The following DLGAP1 variants were observed in gnomAD, a reference collection of about 807,000 sequenced individuals.
DLGAP1 encodes the protein DLG associated protein 1.
In DLGAP1, 11 loss-of-function variants were observed where a neutral mutation model predicts 90.8. That is an observed-to-expected ratio of 0.12 (90% CI 0.08 to 0.20). The LOEUF (loss-of-function observed/expected upper bound fraction) is 0.20, where lower values mean the gene tolerates loss of function less well. Ranked by LOEUF, DLGAP1 falls within the 10% of genes least tolerant of loss-of-function variation. The pLI is 1.00. For missense variants in DLGAP1, 1,050 were observed against 1,333.8 expected, an observed-to-expected ratio of 0.79 and a Z score of 3.31; for synonymous variants, 558 against 540.7, an observed-to-expected ratio of 1.03 and a Z score of -0.44.
chr18:3,949,611 A>G (rs1408009911), intron 3 of DLGAP1, among the ~76,000 whole-genome samples: 1 of 152,146 alleles, frequency 6.6e-6, no homozygotes. Context: ...AGGAAATTTC[A>G]CCAGCAGAGC....
intron 1 of DLGAP1, among the ~76,000 whole-genome samples, chr18:4,351,329 G>A (rs1022377986): frequency 1.1e-4 from 16 of 152,034 alleles, no homozygotes; most frequent in African/African-American, 3.4e-4. Flanking sequence ...AAAATTAAGC[G>A]CAACATATTT....
intron 5 of DLGAP1, among the ~76,000 whole-genome samples, chr18:3,763,759 G>C (rs1476084213): frequency 6.6e-6 from 1 of 151,664 alleles, no homozygotes; most frequent in Non-Finnish European, 1.5e-5. Context: ...CATCTCCCAG[G>C]TACAAGCGAT....
intron 7 of DLGAP1, among the ~76,000 whole-genome samples, chr18:3,585,588 T>A (rs948247291): frequency 3.3e-5 from 5 of 152,242 alleles, no homozygotes; most frequent in African/African-American, 9.6e-5. Flanking sequence ...TCTGATCTTT[T>A]GGATTATGTA....
At chr18:3,959,270 T>C (rs887142074) in intron 3 of DLGAP1, among the ~76,000 whole-genome samples, 1 of 152,134 alleles carries the variant, frequency 6.6e-6, no homozygotes, top group African/African-American at 2.4e-5. Context: ...TGACCTTGTC[T>C]TTAGGTCCTT....
intron 1 of DLGAP1, among the ~76,000 whole-genome samples, chr18:4,410,565 A>G (rs2082755629): frequency 6.6e-6 from 1 of 152,136 alleles, no homozygotes; most frequent in Non-Finnish European, 1.5e-5. Context: ...ACTCTCATAC[A>G]TTGCTGATGG....
intron 3 of DLGAP1, among the ~76,000 whole-genome samples, chr18:3,980,701 T>C (rs2073708760): frequency 6.6e-6 from 1 of 152,206 alleles, no homozygotes; most frequent in Non-Finnish European, 1.5e-5. Flanking sequence ...TGCTTATTAC[T>C]GACCATTTTT....
chr18:4,131,197 C>CGTGT (rs151048659), intron 2 of DLGAP1, among the ~76,000 whole-genome samples: 43 of 150,744 alleles, frequency 2.9e-4, no homozygotes, highest in African/African-American at 9.7e-4. Flanking sequence ...AAAACGTGGG[C>CGTGT]GTGTGTGTGT....
intron 3 of DLGAP1, among the ~76,000 whole-genome samples, chr18:3,922,003 A>AG (rs1249441929): frequency 6.6e-6 from 1 of 152,086 alleles, no homozygotes. Flanking sequence ...CTCAGACCTG[A>AG]GGGGATGCCA....
At chr18:3,735,811 T>C (rs2062615383) in intron 6 of DLGAP1, among the ~76,000 whole-genome samples, 1 of 152,196 alleles carries the variant, frequency 6.6e-6, no homozygotes, top group Non-Finnish European at 1.5e-5. Context: ...GCAATATTAT[T>C]GCCACCAATA....
At chr18:3,925,931 GT>G (rs1364450558) in intron 3 of DLGAP1, among the ~76,000 whole-genome samples, 1 of 152,160 alleles carries the variant, frequency 6.6e-6, no homozygotes, top group Non-Finnish European at 1.5e-5. Context: ...AAATAGGTTT[GT>G]TTTCCTGTTG....
At chr18:3,869,431 C>T (rs1297035676) in intron 4 of DLGAP1, among the ~76,000 whole-genome samples, 1 of 152,146 alleles carries the variant, frequency 6.6e-6, no homozygotes, top group Non-Finnish European at 1.5e-5. Context: ...TGACCTGAGT[C>T]TGTAGTCCCA....
chr18:3,975,573 G>A (rs910228254), intron 3 of DLGAP1, among the ~76,000 whole-genome samples: 22 of 152,064 alleles, frequency 1.4e-4, no homozygotes, highest in African/African-American at 5.3e-4. Flanking sequence ...CCCACTATGG[G>A]TATATACTGC....
intron 1 of DLGAP1, among the ~76,000 whole-genome samples, chr18:4,284,885 C>A (rs1267593149): frequency 6.6e-6 from 1 of 152,158 alleles, no homozygotes; most frequent in East Asian, 1.9e-4. Context: ...GCAAATTGGA[C>A]CCTATCTGAT....
At chr18:3,814,867 G>T (rs2067023553) in intron 4 of DLGAP1, among the ~76,000 whole-genome samples, 1 of 152,092 alleles carries the variant, frequency 6.6e-6, no homozygotes, top group African/African-American at 2.4e-5. Flanking sequence ...GTATGGTGCT[G>T]GATATTGGTA....
chr18:4,125,380 A>G (rs1430921349), intron 2 of DLGAP1, among the ~76,000 whole-genome samples: 1 of 152,166 alleles, frequency 6.6e-6, no homozygotes, highest in African/African-American at 2.4e-5. Flanking sequence ...GAGCTGAGTC[A>G]TAACAGATGC....
At chr18:4,346,986 T>G (rs2081312466) in intron 1 of DLGAP1, among the ~76,000 whole-genome samples, 1 of 151,734 alleles carries the variant, frequency 6.6e-6, no homozygotes, top group Non-Finnish European at 1.5e-5. Context: ...AGGCAGAAGG[T>G]AAAACTATAC....
At chr18:3,885,488 C>G (rs1354234227) in intron 3 of DLGAP1, 2 of 152,226 alleles carry the variant, frequency 1.3e-5, no homozygotes, top group African/African-American at 2.4e-5. Context: ...AATAACAATT[C>G]TCATTCTTCT....
intron 1 of DLGAP1, among the ~76,000 whole-genome samples, chr18:4,337,065 G>A (rs2081083901): frequency 6.8e-6 from 1 of 148,068 alleles, no homozygotes; most frequent in South Asian, 2.2e-4. Flanking sequence ...AGTGAGCCGA[G>A]ATTGTGCCAC....
intron 9 of DLGAP1, among the ~76,000 whole-genome samples, chr18:3,547,626 T>A (rs1486502311): frequency 6.6e-6 from 1 of 152,120 alleles, no homozygotes; most frequent in African/African-American, 2.4e-5. Context: ...AAAGTAAGTG[T>A]TGGCCAGTTT....
Sources: gnomAD v4.1 joint callset for allele counts (sites outside exome capture counted in the v4.1 genomes callset) on GRCh38, gnomAD v4.1.1 for gene constraint, MANE v1.5 for transcripts, NCBI Gene and HGNC (gene_info 2026-07-23, HGNC 2026-07-21) for gene names.